The following FLT1 variants were observed in gnomAD, a reference collection of about 807,000 sequenced individuals.
The protein encoded by FLT1 is fms related receptor tyrosine kinase 1.
Under a neutral mutation model 156.3 loss-of-function variants are expected in FLT1, and 49 were observed. That is an observed-to-expected ratio of 0.31 (90% CI 0.25 to 0.40). The LOEUF (loss-of-function observed/expected upper bound fraction) is 0.40. Among genes scored for constraint, FLT1 ranks in the 10% least tolerant of loss-of-function variants. The pLI is 1.00. For missense variants in FLT1, 1,322 were observed against 1,637.2 expected (o/e 0.81, Z 3.32); for synonymous variants, 594 against 583.8 (o/e 1.02, Z -0.25).
chr13:28,323,831 T>C (rs1436026590), intron 20 of FLT1, among the ~76,000 whole-genome samples: 4 of 152,146 alleles, frequency 2.6e-5, no homozygotes, highest in African/African-American at 9.7e-5. Flanking sequence ...AAGAGAAGGC[T>C]ATAGTTACCA....
chr13:28,392,567 G>A (rs1346321991), intron 12 of FLT1, among the ~76,000 whole-genome samples: 2 of 152,170 alleles, frequency 1.3e-5, no homozygotes, highest in Non-Finnish European at 2.9e-5. Context: ...CGTGTAGAGA[G>A]TTTCTATTTA....
intron 19 of FLT1, chr13:28,328,355 A>C (rs1054984923): frequency 6.6e-6 from 1 of 152,216 alleles, no homozygotes; most frequent in Admixed American, 6.6e-5. Flanking sequence ...GTCCAGCTGC[A>C]CTCTGAAGGC....
At chr13:28,492,050 T>C (rs1881501573) in intron 1 of FLT1, among the ~76,000 whole-genome samples, 1 of 152,174 alleles carries the variant, frequency 6.6e-6, no homozygotes, top group East Asian at 1.9e-4. Flanking sequence ...TCCTAAATAA[T>C]TAATATTTCG....
intron 20 of FLT1, among the ~76,000 whole-genome samples, chr13:28,323,738 A>G (rs1051931842): frequency 1.3e-5 from 2 of 151,596 alleles, no homozygotes; most frequent in Non-Finnish European, 2.9e-5. Flanking sequence ...GCCACACGCC[A>G]TCTTGTGAAG....
At chr13:28,356,954 T>A (rs1330742229) in intron 15 of FLT1, among the ~76,000 whole-genome samples, 1 of 152,242 alleles carries the variant, frequency 6.6e-6, no homozygotes, top group African/African-American at 2.4e-5. Flanking sequence ...CCTCTTTGTA[T>A]TTTGCTGCTG....
intron 13 of FLT1, chr13:28,386,992 T>A (rs913506318): frequency 1.9e-6 from 2 of 1,041,196 alleles, no homozygotes; most frequent in Non-Finnish European, 2.3e-6. Context: ...ACACTAAAAT[T>A]GTTTTTCTAG....
intron 19 of FLT1, chr13:28,328,222 A>G (rs1566288453): frequency 6.6e-6 from 1 of 152,246 alleles, no homozygotes; most frequent in Non-Finnish European, 1.5e-5. Flanking sequence ...ATCATGAAAT[A>G]TTATTTTTAT....
chr13:28,350,598 G>C (rs138822322), intron 15 of FLT1, among the ~76,000 whole-genome samples: 1 of 152,206 alleles, frequency 6.6e-6, no homozygotes, highest in African/African-American at 2.4e-5. Flanking sequence ...TGCATGAATG[G>C]GTAGGCAGCA....
intron 1 of FLT1, among the ~76,000 whole-genome samples, chr13:28,490,290 C>A (rs1881397821): frequency 6.6e-6 from 1 of 152,224 alleles, no homozygotes; most frequent in South Asian, 2.1e-4. Context: ...TCAGAAACAG[C>A]TTTCAGGCAT....
intron 15 of FLT1, among the ~76,000 whole-genome samples, chr13:28,354,014 A>G (rs765066044): frequency 6.6e-6 from 1 of 152,212 alleles, no homozygotes; most frequent in Non-Finnish European, 1.5e-5. Flanking sequence ...CAACTTGTTC[A>G]CTTGGTTTCA....
chr13:28,383,179 G>A (rs187502864), intron 14 of FLT1, among the ~76,000 whole-genome samples: 1 of 151,924 alleles, frequency 6.6e-6, no homozygotes, highest in African/African-American at 2.4e-5. Context: ...TTGTTTTTAA[G>A]AGTACAGTCA....
Position 28,427,236 on chromosome 13 carries a change from A to T in FLT1, c.1359T>A (p.Thr453=). 6.2e-7 allele frequency: 1 copy of T among 1,614,022 alleles called. No homozygotes were observed. Among genetic ancestry groups the T allele is most frequent in the Non-Finnish European group, 8.5e-7 (1 of 1,179,878 alleles). Residue 453 remains threonine (T), a synonymous_variant, in exon 10 of 30, where the codon ACT becomes ACA. Coordinates refer to ENST00000282397, the MANE Select transcript of FLT1 (RefSeq NM_002019.4). ...GTTGAGGGATACCATATGCGGTACA[A>T]GTCAGGATTTGTCTGCTGCCCAGTG... ...LYPLGSRQIL[T]CTAYGIPQPT...
intron 14 of FLT1, among the ~76,000 whole-genome samples, chr13:28,360,111 A>G (rs1184028006): frequency 2.6e-5 from 4 of 152,224 alleles, no homozygotes; most frequent in Non-Finnish European, 4.4e-5. Flanking sequence ...CTTTGTCTCA[A>G]AAAACAAGAA....
At chr13:28,372,066 ATATATATATATTTTT>A (rs1442366404) in intron 14 of FLT1, among the ~76,000 whole-genome samples, 4,031 of 28,452 alleles carry the variant, frequency 0.14, 79 homozygotes, top group Non-Finnish European at 0.2. Flanking sequence ...ATATATATAT[ATATATATATATTTTT>A]TTTTTTTTTT....
chr13:28,346,050 T>C (rs1216688274), intron 15 of FLT1, among the ~76,000 whole-genome samples: 1 of 151,136 alleles, frequency 6.6e-6, no homozygotes, highest in Admixed American at 6.6e-5. Context: ...AGAATAAAAA[T>C]AAATCCAGGA....
At chr13:28,440,169 G>T (rs1430831939) in intron 3 of FLT1, among the ~76,000 whole-genome samples, 1 of 152,150 alleles carries the variant, frequency 6.6e-6, no homozygotes, top group Non-Finnish European at 1.5e-5. Flanking sequence ...TTACAACACG[G>T]TCCACAGAAC....
chr13:28,429,444 C>T (rs150390420), intron 8 of FLT1, among the ~76,000 whole-genome samples: 46 of 152,228 alleles, frequency 3.0e-4, no homozygotes, highest in Admixed American at 1.7e-3. Context: ...AAACAGATTA[C>T]ATTGTTTTAC....
At chr13:28,464,044 G>T (rs571170115) in intron 3 of FLT1, among the ~76,000 whole-genome samples, 1 of 152,006 alleles carries the variant, frequency 6.6e-6, no homozygotes, top group Non-Finnish European at 1.5e-5. Flanking sequence ...GATTCAGAAG[G>T]CTCTTCTATG....
chr13:28,327,602 C>T (rs1008609006), intron 19 of FLT1, 52 bp from the exon 20 acceptor site: 2 of 1,277,268 alleles, frequency 1.6e-6, no homozygotes, highest in Non-Finnish European at 2.3e-6. Context: ...GCCAGTCAGC[C>T]ATTTGCCAGC....
Sources: gnomAD v4.1 joint callset for allele counts (sites outside exome capture counted in the v4.1 genomes callset) on GRCh38, gnomAD v4.1.1 for gene constraint, MANE v1.5 for transcripts, NCBI Gene and HGNC (gene_info 2026-07-23, HGNC 2026-07-21) for gene names.